Variants in SLIT1 observed in about 807,000 individuals in gnomAD.
SLIT1 encodes the protein slit guidance ligand 1.
In SLIT1, 66 loss-of-function variants were observed where a neutral mutation model predicts 186.1. The observed-to-expected ratio is 0.35, with a 90% confidence interval of 0.29 to 0.44. SLIT1 has a LOEUF of 0.44. Among genes scored for constraint, SLIT1 ranks in the 20% least tolerant of loss-of-function variants. SLIT1 has a pLI of 1.00. For missense variants in SLIT1, 1,638 were observed against 2,037.4 expected (o/e 0.80, Z 3.77); for synonymous variants, 761 against 833.8 (o/e 0.91, Z 1.50).
intron 4 of SLIT1, among the ~76,000 whole-genome samples, chr10:97,114,699 C>T (rs1187091559): frequency 6.6e-6 from 1 of 152,192 alleles, no homozygotes; most frequent in Non-Finnish European, 1.5e-5. Context: ...ATGGAGTCAT[C>T]TACCTGGATA....
chr10:97,043,465 C>T lies in SLIT1; in HGVS notation c.1902G>A (p.Thr634=), dbSNP rs375786934. Residue 634 remains threonine, a synonymous_variant, in exon 19 of 37, where the codon ACG becomes ACA. Coordinates refer to ENST00000266058, the MANE Select transcript of SLIT1 (RefSeq NM_003061.3). The surrounding 1 kb of genome is among the most constrained non-coding windows in gnomAD (Gnocchi z 7.0). The part of the protein sequence containing the change: ...RISCIHNDSF[T]GLRNVRLLSL... Reference sequence around the variant, plus strand: ...AGAGGAGCCGGACGTTGCGCAGGCCCGTGAAGCTGTCGTTGTGGATGCAGC... The same window carrying T: ...AGAGGAGCCGGACGTTGCGCAGGCCTGTGAAGCTGTCGTTGTGGATGCAGC... 3.1e-6 allele frequency: 5 copies of T among 1,613,900 alleles called. No individual in the cohort carries two copies. In the South Asian group the frequency reaches 4.4e-5, roughly 14 times the overall value.
intron 1 of SLIT1, among the ~76,000 whole-genome samples, chr10:97,174,587 C>G (rs1215780282): frequency 6.6e-6 from 1 of 152,206 alleles, no homozygotes. Context: ...CATTTGCTGC[C>G]GATCCACTCC....
At chr10:97,014,302 G>A (rs1848436125) in intron 28 of SLIT1, 144 bp from the exon 29 acceptor site, 1 of 886,046 alleles carries the variant, frequency 1.1e-6, no homozygotes, top group Non-Finnish European at 1.8e-6. Flanking sequence ...AGGGTTAGAG[G>A]TGACCAAGAC....
chr10:97,018,613 G>A lies in SLIT1; in HGVS notation c.2942C>T (p.Ala981Val). 1 of 1,593,584 alleles carries A rather than the reference G, an allele frequency of 6.3e-7. No individual in the cohort carries two copies. The highest frequency in any genetic ancestry group is 1.3e-5 in the African/African-American group (1 of 74,654). Residue 981 changes from alanine (A) to valine (V), a missense_variant, in exon 28 of 37, where the codon GCA becomes GTA. By Grantham distance (64) the Ala-to-Val change is moderately conservative. This residue lies in a region of SLIT1 where 1,245 missense variants were observed against 1,535.3 expected (regional missense o/e 0.81). Coordinates refer to ENST00000266058, the MANE Select transcript of SLIT1 (RefSeq NM_003061.3). ...GPCENGGTCH[A>V]QEGEDAPFTC... is the part of the protein sequence containing the mutation. ...GAACGGGGCATCCTCGCCCTCCTGT[G>A]CATGGCAGGTGCCCCCATTTTCACA...
At chr10:97,032,424 C>G (rs1046339596) in intron 23 of SLIT1, among the ~76,000 whole-genome samples, 7 of 152,010 alleles carry the variant, frequency 4.6e-5, no homozygotes, top group African/African-American at 1.7e-4. Context: ...CAAATATTAG[C>G]CAGGCATGGT....
At chr10:97,174,469 C>T (rs1026217028) in intron 1 of SLIT1, among the ~76,000 whole-genome samples, 7 of 152,226 alleles carry the variant, frequency 4.6e-5, no homozygotes, top group African/African-American at 1.7e-4. Context: ...CTCCAACCCA[C>T]CAGGCTGAGC....
At chr10:97,080,601 A>G (rs776256000) in intron 4 of SLIT1, among the ~76,000 whole-genome samples, 1 of 152,314 alleles carries the variant, frequency 6.6e-6, no homozygotes, top group Non-Finnish European at 1.5e-5. Flanking sequence ...AAGCTCCACC[A>G]TTCCTCTGTA....
chr10:97,185,698 G>A lies in SLIT1; in HGVS notation c.-24C>T. The A allele has an allele frequency of 6.8e-7, 1 of 1,476,936 alleles. No homozygotes were observed. The highest frequency in any genetic ancestry group is 2.4e-5 in the Admixed American group (1 of 42,416). 91.5% of individuals were successfully genotyped at this position (1,476,936 alleles called of 1,614,324 possible). A position where few individuals can be genotyped will look rare whatever the true frequency, so the allele number is the denominator to read the frequency against. Reference sequence around the variant, plus strand: ...ATGGTGCCCTCACAGCGTCCCGCTCGCGAGCCAGACGGCAGCAGCCGCTGA... The same window carrying A: ...ATGGTGCCCTCACAGCGTCCCGCTCACGAGCCAGACGGCAGCAGCCGCTGA... On this transcript the variant is annotated 5_prime_UTR_variant, in exon 1 of 37. Coordinates refer to ENST00000266058, the MANE Select transcript of SLIT1 (RefSeq NM_003061.3).
At chr10:97,163,549 G>A in intron 2 of SLIT1, 98 bp from the exon 3 acceptor site, 1 of 957,184 alleles carries the variant, frequency 1.0e-6, no homozygotes. Context: ...CTCTGCCAGG[G>A]CAGCATTAGC....
At chr10:97,173,312 G>A (rs1474135365) in intron 1 of SLIT1, among the ~76,000 whole-genome samples, 1 of 152,170 alleles carries the variant, frequency 6.6e-6, no homozygotes, top group South Asian at 2.1e-4. Flanking sequence ...ATAAACATGA[G>A]CTCCACATGC....
At position 97,001,165 on chromosome 10, in the gene SLIT1, A is replaced by C; in HGVS notation, c.4552T>G (p.Phe1518Val). The change falls in exon 37 of 37, where the codon TTT becomes GTT. Residue 1518 changes from phenylalanine (F) to valine (V), a missense_variant. Physicochemically the swap from Phe to Val is conservative, Grantham distance 50. Coordinates refer to ENST00000266058, the MANE Select transcript of SLIT1 (RefSeq NM_003061.3). ...FTFECSDGTS[F>V]AEEVEKPTKC... is the part of the protein sequence containing the mutation. Reference sequence around the variant, plus strand: ...GTGGGCTTTTCCACCTCCTCGGCAAAAGAGGTCCCATCGCTGCACTCAAAG... The same window carrying C: ...GTGGGCTTTTCCACCTCCTCGGCAACAGAGGTCCCATCGCTGCACTCAAAG... 1.9e-6 allele frequency: 3 copies of C among 1,613,220 alleles called. No homozygotes were observed. The highest frequency in any genetic ancestry group is 2.5e-6 in the Non-Finnish European group (3 of 1,179,838).
intron 26 of SLIT1, 75 bp from the exon 27 acceptor site, chr10:97,019,182 C>T (rs1010449924): frequency 7.3e-6 from 7 of 953,750 alleles, no homozygotes; most frequent in South Asian, 2.9e-5. Context: ...ACCTCAACCC[C>T]GAGGAGCCCA....
chr10:97,173,680 A>G lies in SLIT1; in HGVS notation c.198-8790T>C, dbSNP rs181275537. ...CAGAGGGCCTGAGGCCCCAATGGGT[A>G]CAGCCTGGGGTTTCCAGGATGTGAG... On this transcript the variant is annotated intron_variant, in intron 1 of 36. Coordinates refer to ENST00000266058, the MANE Select transcript of SLIT1 (RefSeq NM_003061.3). Among the ~76,000 whole-genome samples the G allele has an allele frequency of 1.4e-3, 217 of 152,198 alleles. 2 individuals carry two copies. The highest frequency in any genetic ancestry group is 5.1e-3 in the African/African-American group (210 of 41,536).
chr10:97,166,260 A>G (rs544834836), intron 1 of SLIT1, among the ~76,000 whole-genome samples: 1 of 152,048 alleles, frequency 6.6e-6, no homozygotes, highest in East Asian at 1.9e-4. Flanking sequence ...CACACCTGTA[A>G]TCCCAGGACT....
chr10:97,051,362 C>T (rs1043788048), intron 13 of SLIT1, among the ~76,000 whole-genome samples: 2 of 151,876 alleles, frequency 1.3e-5, no homozygotes, highest in African/African-American at 4.8e-5. Context: ...TAAAATAGTA[C>T]AGCCAAGTGT....
intron 26 of SLIT1, among the ~76,000 whole-genome samples, chr10:97,020,001 G>T (rs1014495906): frequency 6.6e-6 from 1 of 150,830 alleles, no homozygotes; most frequent in Non-Finnish European, 1.5e-5. Flanking sequence ...TTTAGACAGG[G>T]TCTTACTCTG....
At chr10:97,064,621 G>T (rs1589380020) in intron 6 of SLIT1, among the ~76,000 whole-genome samples, 184 bp downstream of exon 6, 2 of 152,248 alleles carry the variant, frequency 1.3e-5, no homozygotes, top group East Asian at 3.9e-4. Context: ...AGGTTATACT[G>T]GGGCACACTA....
chr10:97,181,653 T>C (rs908817503), intron 1 of SLIT1, among the ~76,000 whole-genome samples: 2 of 151,996 alleles, frequency 1.3e-5, no homozygotes, highest in Non-Finnish European at 2.9e-5. Flanking sequence ...GAGACCAGCC[T>C]GGGCAACATA....
At chr10:97,064,349 C>G (rs142876002) in intron 6 of SLIT1, 110 bp from the exon 7 acceptor site, 55 of 851,432 alleles carry the variant, frequency 6.5e-5, no homozygotes, top group Non-Finnish European at 9.9e-5. Context: ...GTGACCAGCA[C>G]GGGGCTGGAC....
Sources: allele counts gnomAD v4.1 joint callset (sites outside exome capture counted in the v4.1 genomes callset), GRCh38; gene constraint gnomAD v4.1.1; regional missense constraint gnomAD v4.1.1; non-coding constraint Gnocchi (gnomAD v3.1); transcripts MANE v1.5; gene names NCBI Gene and HGNC (gene_info 2026-07-23, HGNC 2026-07-21).